The following HOXB5 variants were observed in gnomAD, a reference collection of about 807,000 sequenced individuals.
HOXB5 encodes homeobox B5, also known as homeobox protein Hox-B5.
HOXB5 carries 10 observed loss-of-function variants against 19.6 expected under a neutral mutation model. The observed-to-expected ratio is 0.51, with a 90% CI of 0.32 to 0.87. The LOEUF (loss-of-function observed/expected upper bound fraction) is 0.87, where lower values mean the gene tolerates loss of function less well. Among genes scored for constraint, HOXB5 ranks in the 40% least tolerant of loss-of-function variants. HOXB5 has a pLI of 0.04. For synonymous variants in HOXB5, 167 were observed against 156.9 expected (o/e 1.06, Z -0.48); for missense variants, 353 against 369.6 (o/e 0.96, Z 0.37).
Position 48,593,555 on chromosome 17 carries a change from C to A in HOXB5, c.128G>T (p.Gly43Val), listed in dbSNP as rs779768288. The A allele has an allele frequency of 6.2e-7, 1 of 1,613,198 alleles. No homozygotes were observed. Among genetic ancestry groups the A allele is most frequent in the Middle Eastern group, 1.6e-4 (1 of 6,062 alleles). The change falls in exon 1 of 2, where the codon GGC becomes GTC. Residue 43 changes from glycine to valine, a missense_variant. Physicochemically the swap from Gly to Val is moderately radical, Grantham distance 109. Transcript: ENST00000239151. ...SYRDPAAMHT[G>V]SYGYNYNGMD... ...CCCATTGTAATTGTAGCCGTAAGAG[C>A]CGGTGTGCATGGCAGCGGGATCCCT...
chr17:48,592,117 C>A lies in HOXB5; in HGVS notation c.*92G>T. ...GCGAGGCAGGCTTGTGGGAACCGGT[C>A]CCCAGCGGGCGGCGGCAGAGCGGGG... On this transcript the variant is annotated 3_prime_UTR_variant, in exon 2 of 2. Coordinates refer to ENST00000239151, the MANE Select transcript of HOXB5 (RefSeq NM_002147.4). 1 of 1,451,356 alleles carries A rather than the reference C, an allele frequency of 6.9e-7. No homozygotes were observed. Among genetic ancestry groups the A allele is most frequent in the East Asian group, 2.3e-5 (1 of 43,670 alleles). 89.9% of individuals were successfully genotyped at this position (1,451,356 alleles called of 1,614,324 possible). A position where few individuals can be genotyped will look rare whatever the true frequency, so the allele number is the denominator to read the frequency against.
intron 1 of HOXB5, 46 bp downstream of exon 1, chr17:48,593,075 C>CCA: frequency 2.7e-6 from 1 of 376,034 alleles, no homozygotes; most frequent in East Asian, 6.5e-5. Context: ...CACCCCAAAA[C>CCA]GCAGAGAAGG....
In HOXB5 at chr17:48,592,075, A is replaced by C; in HGVS notation, c.*134T>G. ...CCACAGGAAGACCTAAGACCAAACG[A>C]AATATCGTAACACAAGGCGAGGCAG... is the stretch of plus-strand genomic sequence containing the variant. On this transcript the variant is annotated 3_prime_UTR_variant, in exon 2 of 2. Coordinates refer to ENST00000239151, the MANE Select transcript of HOXB5 (RefSeq NM_002147.4). 1.0e-6 allele frequency: 1 copy of C among 996,880 alleles called. No homozygotes were observed. Among genetic ancestry groups the C allele is most frequent in the Non-Finnish European group, 1.5e-6 (1 of 687,598 alleles). 61.8% of individuals were successfully genotyped at this position (996,880 alleles called of 1,614,324 possible). A position where few individuals can be genotyped will look rare whatever the true frequency, so the allele number is the denominator to read the frequency against.
In HOXB5 at chr17:48,591,956, A is replaced by C. The variant is rs1189843497; in HGVS notation, c.*253T>G. ...ATTCAGAAACACTGGCGGATTTGGG[A>C]CAAGCAGAAGGGAGTTGGGAGCATG... is the stretch of plus-strand genomic sequence containing the variant. On this transcript the variant is annotated 3_prime_UTR_variant, in exon 2 of 2. Transcript: ENST00000239151. The C allele has an allele frequency of 4.1e-6, 1 of 243,782 alleles. No homozygotes were observed. The highest frequency in any genetic ancestry group is 2.3e-5 in the African/African-American group (1 of 43,884). The allele number at this position is 243,782 out of a possible 1,614,324, so 15.1% of individuals were successfully genotyped here.
Position 48,593,678 on chromosome 17 carries a change from C to T in HOXB5, c.5G>A (p.Ser2Asn), listed in dbSNP as rs2144938929. Residue 2 changes from serine to asparagine, a missense_variant, in exon 1 of 2, where the codon AGC becomes AAC. Transcript: ENST00000239151. The stretch of plus-strand genomic sequence containing the variant: ...CGAGAAGGAGTTTACAAAGTACGAG[C>T]TCATTTGGGTGATTTTGGAGGGCTT... M[S>N]SYFVNSFSGR... 6.2e-7 allele frequency: 1 copy of T among 1,608,356 alleles called. No homozygotes were observed. Among genetic ancestry groups the T allele is most frequent in the Non-Finnish European group, 8.5e-7 (1 of 1,176,754 alleles).
rs1339786209 is a variant in HOXB5, at chr17:48,592,575, C to T, written c.563-119G>A. ...TCCCGGCACCCAGCTCACCACAGCTCCAATCCTCTCTACTCCAGATGCCCA... is the reference window on the plus strand; with the variant it reads ...TCCCGGCACCCAGCTCACCACAGCTTCAATCCTCTCTACTCCAGATGCCCA... On this transcript the variant is annotated intron_variant, in intron 1 of 1. Coordinates refer to ENST00000239151, the MANE Select transcript of HOXB5 (RefSeq NM_002147.4). 8 of 1,020,040 alleles carry T rather than the reference C, an allele frequency of 7.8e-6. No homozygotes were observed. In the East Asian group the frequency reaches 1.8e-4, roughly 23 times the overall value. The allele number at this position is 1,020,040 out of a possible 1,614,324, so 63.2% of individuals were successfully genotyped here. A position where few individuals can be genotyped will look rare whatever the true frequency, so the allele number is the denominator to read the frequency against.
chr17:48,592,825 A>G (rs1297633076), intron 1 of HOXB5, among the ~76,000 whole-genome samples: 1 of 152,204 alleles, frequency 6.6e-6, no homozygotes, highest in Non-Finnish European at 1.5e-5. Flanking sequence ...TTTCAGGGGT[A>G]AGCAGGACCC....
intron 1 of HOXB5, 56 bp downstream of exon 1, chr17:48,593,065 C>CAA: frequency 7.9e-6 from 6 of 761,326 alleles, no homozygotes; most frequent in East Asian, 2.9e-5. Flanking sequence ...CCCCCGATCC[C>CAA]ACCCCAAAAC....
chr17:48,592,429 G>A lies in HOXB5; in HGVS notation c.590C>T (p.Ala197Val), dbSNP rs1567969402. The change falls in exon 2 of 2, where the codon GCC becomes GTC. Residue 197 changes from alanine to valine, a missense_variant. Coordinates refer to ENST00000239151, the MANE Select transcript of HOXB5 (RefSeq NM_002147.4). ...HDMTGPDGKR[A>V]RTAYTRYQTL... ...CTGGTAGCGGGTATACGCGGTCCGG[G>A]CCCTTTTCCCGTCCGGCCCGGTCAT... 6.6e-7 allele frequency: 1 copy of A among 1,504,990 alleles called. No homozygotes were observed. The highest frequency in any genetic ancestry group is 9.0e-7 in the Non-Finnish European group (1 of 1,112,006). The allele number at this position is 1,504,990 out of a possible 1,614,324, so 93.2% of individuals were successfully genotyped here.
chr17:48,592,674 G>A (rs751298566), intron 1 of HOXB5, among the ~76,000 whole-genome samples: 5 of 152,216 alleles, frequency 3.3e-5, no homozygotes, highest in Admixed American at 6.5e-5. Flanking sequence ...GCCCGGCTTT[G>A]TCTCTTGCTC....
At chr17:48,592,527 G>T in intron 1 of HOXB5, 71 bp from the exon 2 acceptor site, 1 of 1,315,468 alleles carries the variant, frequency 7.6e-7, no homozygotes, top group East Asian at 2.5e-5. Flanking sequence ...GGTGGGAGGG[G>T]GCGGGGGAGC....
At chr17:48,593,070 C>A in intron 1 of HOXB5, 51 bp downstream of exon 1, 5 of 1,039,408 alleles carry the variant, frequency 4.8e-6, no homozygotes, top group East Asian at 2.6e-5. Context: ...GATCCCACCC[C>A]AAAACGCAGA....
chr17:48,593,125 G>A lies in HOXB5; in HGVS notation c.558C>T (p.Ser186=). 1 of 1,531,220 alleles carries A rather than the reference G, an allele frequency of 6.5e-7. No individual in the cohort carries two copies. The highest frequency in any genetic ancestry group is 8.8e-7 in the Non-Finnish European group (1 of 1,134,578). The allele number at this position is 1,531,220 out of a possible 1,614,324, so 94.9% of individuals were successfully genotyped here. A position where few individuals can be genotyped will look rare whatever the true frequency, so the allele number is the denominator to read the frequency against. ...AAAAAAGAGAGAGAGAATTACCATG[G>A]CTGATGTGAAGCTTCCTCATCCAGG... ...IFPWMRKLHI[S]HDMTGPDGKR... is the part of the protein sequence containing the mutation. The change falls in exon 1 of 2, where the codon AGC becomes AGT. Residue 186 remains serine (S), a synonymous_variant. Transcript: ENST00000239151.
chr17:48,593,065 C>CCCCCCAAAA, intron 1 of HOXB5, 56 bp downstream of exon 1: 1 of 761,330 alleles, frequency 1.3e-6, no homozygotes. Flanking sequence ...CCCCCGATCC[C>CCCCCCAAAA]ACCCCAAAAC....
chr17:48,592,550 T>C lies in HOXB5; in HGVS notation c.563-94A>G, dbSNP rs1272834180. 5.1e-5 allele frequency: 67 copies of C among 1,319,848 alleles called. 1 individual carries two copies. Among genetic ancestry groups the C allele is most frequent in the Non-Finnish European group, 5.1e-6 (5 of 976,930 alleles). The allele number at this position is 1,319,848 out of a possible 1,614,324, so 81.8% of individuals were successfully genotyped here. ...GGGGCGGGGGAGCAGGACCCAGGCG[T>C]CCCGGCACCCAGCTCACCACAGCTC... On this transcript the variant is annotated intron_variant, in intron 1 of 1. Coordinates refer to ENST00000239151, the MANE Select transcript of HOXB5 (RefSeq NM_002147.4).
intron 1 of HOXB5, 55 bp from the exon 2 acceptor site, chr17:48,592,511 G>C: frequency 2.9e-5 from 8 of 274,702 alleles, no homozygotes; most frequent in South Asian, 6.2e-5. Flanking sequence ...AAGGGAGGGG[G>C]CACTGGGTGG....
At position 48,591,353 on chromosome 17, in the gene HOXB5, C is replaced by A. The variant is rs954038627; in HGVS notation, c.*856G>T. ...AGGCCCCGCAAAGACAGATTTCACACGTAGCACAGCATCCACTCGCTCACT... is the reference window on the plus strand; with the variant it reads ...AGGCCCCGCAAAGACAGATTTCACAAGTAGCACAGCATCCACTCGCTCACT... On this transcript the variant is annotated 3_prime_UTR_variant, in exon 2 of 2. Coordinates refer to ENST00000239151, the MANE Select transcript of HOXB5 (RefSeq NM_002147.4). The A allele has an allele frequency of 6.5e-6, 1 of 152,782 alleles. No individual in the cohort carries two copies. The highest frequency in any genetic ancestry group is 1.9e-4 in the East Asian group (1 of 5,182). The allele number at this position is 152,782 out of a possible 1,614,324, so 9.5% of individuals were successfully genotyped here. A position where few individuals can be genotyped will look rare whatever the true frequency, so the allele number is the denominator to read the frequency against.
chr17:48,593,481 C>A lies in HOXB5; in HGVS notation c.202G>T (p.Ala68Ser). Residue 68 changes from alanine to serine, a missense_variant, in exon 1 of 2, where the codon GCG becomes TCG. By Grantham distance (99) the Ala-to-Ser change is moderately conservative. Transcript: ENST00000239151. ...RSSASSSHFGAVGESSRAFPA... is the reference protein window; with the variant it reads ...RSSASSSHFGSVGESSRAFPA... ...AAGGCGCGCGAGCTCTCGCCCACCG[C>A]CCCAAAGTGGCTGGAGGAGGCCGAG... 2 of 1,613,332 alleles carry A rather than the reference C, an allele frequency of 1.2e-6. No individual in the cohort carries two copies. The highest frequency in any genetic ancestry group is 2.2e-5 in the South Asian group (2 of 91,054).
rs1035803883 is a variant in HOXB5, at chr17:48,592,173, A to G, written c.*36T>C. 6.2e-7 allele frequency: 1 copy of G among 1,600,444 alleles called. No homozygotes were observed. The highest frequency in any genetic ancestry group is 1.1e-5 in the South Asian group (1 of 90,100). On this transcript the variant is annotated 3_prime_UTR_variant, in exon 2 of 2. Transcript: ENST00000239151. ...TGGAGGGGCCAGGGCTGGGGGTGGC[A>G]CGGGCTCTTGGGCCGCTGGGCTCCT...
Sources: allele counts gnomAD v4.1 joint callset (sites outside exome capture counted in the v4.1 genomes callset), GRCh38; gene constraint gnomAD v4.1.1; transcripts MANE v1.5; gene names NCBI Gene and HGNC (gene_info 2026-07-23, HGNC 2026-07-21).